The following ACP6 variants were observed in gnomAD, a reference collection of about 807,000 sequenced individuals.
The protein encoded by ACP6 is acid phosphatase 6, lysophosphatidic, also known as lysophosphatidic acid phosphatase type 6.
Under a neutral mutation model 48.1 loss-of-function variants are expected in ACP6, and 48 were observed. The observed-to-expected ratio is 1.00, with a 90% CI of 0.79 to 1.27. ACP6 has a LOEUF of 1.27. Among genes scored for constraint, ACP6 ranks in the 50% most tolerant of loss-of-function variants. The probability of loss-of-function intolerance (pLI) is 0.00; values close to 1 mark genes in which losing one functional copy is unlikely to be tolerated. For missense variants in ACP6, 485 were observed against 529.1 expected, an observed-to-expected ratio of 0.92 and a Z score of 0.82; for synonymous variants, 172 against 204.2, an observed-to-expected ratio of 0.84 and a Z score of 1.34.
chr1:147,641,299 T>C (rs1659444934), downstream of ACP6, among the ~76,000 whole-genome samples: 1 of 152,184 alleles, frequency 6.6e-6, no homozygotes, highest in Non-Finnish European at 1.5e-5. Context: ...CCCTCTTCAG[T>C]TGGGCCCTTC....
chr1:147,637,555 T>C (rs1659329234), downstream of ACP6, among the ~76,000 whole-genome samples: 1 of 152,184 alleles, frequency 6.6e-6, no homozygotes, highest in Non-Finnish European at 1.5e-5. Flanking sequence ...CTGAGAACAG[T>C]TCCCTGGCTG....
chr1:147,650,427 G>T, intron 7 of ACP6, 189 bp from the exon 8 acceptor site: 1 of 515,988 alleles, frequency 1.9e-6, no homozygotes, highest in East Asian at 3.5e-5. Flanking sequence ...CTCTGTGAAT[G>T]AAGACTCCCA....
At position 147,648,487 on chromosome 1, in the gene ACP6, G is replaced by A. The variant is rs1171600543; in HGVS notation, c.978-76C>T. 2.5e-5 allele frequency: 39 copies of A among 1,535,470 alleles called. 1 individual carries two copies. The highest frequency in any genetic ancestry group is 1.4e-4 in the South Asian group (12 of 84,180). ...TCAGGATGTGGCCTGCCTCCTTTAC[G>A]TAAGACACACTTGCCTCAGAAACTA... On this transcript the variant is annotated intron_variant, in intron 8 of 9. Coordinates refer to ENST00000583509, the MANE Select transcript of ACP6 (RefSeq NM_016361.5).
chr1:147,650,212 G>A lies in ACP6; in HGVS notation c.908C>T (p.Pro303Leu), dbSNP rs1553210266. 1.9e-6 allele frequency: 3 copies of A among 1,603,550 alleles called. No homozygotes were observed. The highest frequency in any genetic ancestry group is 2.7e-5 in the African/African-American group (2 of 74,224). The change falls in exon 8 of 10, where the codon CCA (proline) becomes CTA (leucine). Residue 303 changes from proline (P) to leucine (L), a missense_variant. Coordinates refer to ENST00000583509, the MANE Select transcript of ACP6 (RefSeq NM_016361.5). Reference protein sequence around the residue: ...DRESLQMAVGPFLHILESNLL... With the variant: ...DRESLQMAVGLFLHILESNLL... ...GTTGCTCTCTAGGATGTGGAGGAATGGGCCTACTGCCATCTGAAGACTTTC... is the reference window on the plus strand; with the variant it reads ...GTTGCTCTCTAGGATGTGGAGGAATAGGCCTACTGCCATCTGAAGACTTTC...
In ACP6 at chr1:147,659,476, A is replaced by T; in HGVS notation, c.399T>A (p.Phe133Leu). 2 of 1,614,236 alleles carry T rather than the reference A, an allele frequency of 1.2e-6. No homozygotes were observed. The highest frequency in any genetic ancestry group is 8.5e-7 in the Non-Finnish European group (1 of 1,180,040). Reference protein sequence around the residue: ...QLTKVGMQQMFALGERLRKNY... With the variant: ...QLTKVGMQQMLALGERLRKNY... ...TCTTCCTCAGTCTCTCTCCCAAGGC[A>T]AACATTTGCTGCATGCCCACCTTGG... Residue 133 changes from phenylalanine to leucine, a missense_variant, in exon 3 of 10, where the codon TTT (phenylalanine) becomes TTA (leucine). Transcript: ENST00000583509.
intron 4 of ACP6, among the ~76,000 whole-genome samples, chr1:147,657,560 A>G (rs1660320709): frequency 6.6e-6 from 1 of 152,230 alleles, no homozygotes; most frequent in African/African-American, 2.4e-5. Context: ...AGCTGGGATT[A>G]CAGGCGCCCA....
At chr1:147,658,199 T>C (rs1660353221) in intron 4 of ACP6, among the ~76,000 whole-genome samples, 1 of 152,250 alleles carries the variant, frequency 6.6e-6, no homozygotes, top group East Asian at 1.9e-4. Context: ...GGTTCCATTA[T>C]TTTACATATT....
intron 3 of ACP6, 37 bp downstream of exon 3, chr1:147,659,359 T>C: frequency 6.2e-7 from 1 of 1,606,944 alleles, no homozygotes; most frequent in East Asian, 2.2e-5. Flanking sequence ...GTTCAAGACC[T>C]TAAATTAAGT....
Position 147,663,242 on chromosome 1 carries a change from A to C in ACP6, c.220-3467T>G, listed in dbSNP as rs1414847086. Among the ~76,000 whole-genome samples, 4 of 152,066 alleles carry C rather than the reference A, an allele frequency of 2.6e-5. No homozygotes were observed. The East Asian group carries it at 7.7e-4, about 29-fold the overall frequency. On this transcript the variant is annotated intron_variant, in intron 1 of 9. Transcript: ENST00000583509. The stretch of plus-strand genomic sequence containing the variant: ...GGTATGCTTGTCTGTGTAGAATCTA[A>C]AGAAGTCAAAGTCACAGAATTAGAG...
chr1:147,629,665 G>GT lies in ACP6; in HGVS notation c.*1387dup, dbSNP rs587611405. On this transcript the variant is annotated 3_prime_UTR_variant, in exon 6 of 6. Transcript: ENST00000609196. ...AAAGTCATGGAATCCTAATTTGGTG[G>GT]TAAGATTTTAATAACACATTTAAAG... The GT allele has an allele frequency of 9.2e-5, 14 of 152,222 alleles. No homozygotes were observed. In the East Asian group the frequency reaches 2.5e-3, roughly 27 times the overall value. 9.4% of individuals were successfully genotyped at this position (152,222 alleles called of 1,614,324 possible).
At chr1:147,657,141 CACT>C (rs1660298144) in intron 4 of ACP6, among the ~76,000 whole-genome samples, 1 of 152,178 alleles carries the variant, frequency 6.6e-6, no homozygotes, top group Non-Finnish European at 1.5e-5. Flanking sequence ...AAACTTATAA[CACT>C]AATAATATTA....
Position 147,644,953 on chromosome 1 carries a change from A to G in ACP6, c.*2470T>C, listed in dbSNP as rs1322375481. 6.6e-6 allele frequency: 1 copy of G among 150,984 alleles called. No individual in the cohort carries two copies. The highest frequency in any genetic ancestry group is 2.4e-5 in the African/African-American group (1 of 41,004). 9.4% of individuals were successfully genotyped at this position (150,984 alleles called of 1,614,324 possible). Reference sequence around the variant, plus strand: ...GGTTGAAGGTATAAATTTAGGAGACATTGTGTAAATATTTAAAACTGGAAA... The same window carrying G: ...GGTTGAAGGTATAAATTTAGGAGACGTTGTGTAAATATTTAAAACTGGAAA... On this transcript the variant is annotated 3_prime_UTR_variant, in exon 10 of 10. Transcript: ENST00000583509.
At chr1:147,650,354 A>G (rs1166419890) in intron 7 of ACP6, 116 bp from the exon 8 acceptor site, 1 of 663,706 alleles carries the variant, frequency 1.5e-6, no homozygotes, top group Non-Finnish European at 2.4e-6. Flanking sequence ...AAAGGCAAGT[A>G]ATGCATAAGG....
chr1:147,632,020 C>T (rs940869476), intron 5 of ACP6, among the ~76,000 whole-genome samples: 3 of 152,068 alleles, frequency 2.0e-5, no homozygotes, highest in African/African-American at 4.8e-5. Flanking sequence ...GTATCTCCAG[C>T]GTGCCAAGGC....
At chr1:147,663,515 A>G (rs11240101) in intron 1 of ACP6, among the ~76,000 whole-genome samples, 15,029 of 152,198 alleles carry the variant, frequency 0.099, 1,028 homozygotes, top group East Asian at 0.33. Context: ...GTCCTTCAAG[A>G]ACTTCTACAT....
intron 5 of ACP6, among the ~76,000 whole-genome samples, chr1:147,631,821 C>T (rs1315253189): frequency 6.6e-6 from 1 of 151,910 alleles, no homozygotes; most frequent in South Asian, 2.1e-4. Flanking sequence ...CTTAAAACAA[C>T]AACAACAACA....
At position 147,652,486 on chromosome 1, in the gene ACP6, C is replaced by T. The variant is rs1476732062; in HGVS notation, c.844G>A (p.Val282Met). ...GGCAGTATGTACAAGGATGTGTCCACAGCTCTCTGTTCGATCATCCTTGCA... is the reference window on the plus strand; with the variant it reads ...GGCAGTATGTACAAGGATGTGTCCATAGCTCTCTGTTCGATCATCCTTGCA... ...RFARMIEQRA[V>M]DTSLYILPKE... The change falls in exon 7 of 10, where the codon GTG becomes ATG. Residue 282 changes from valine (V) to methionine (M), a missense_variant. Val to Met is a conservative substitution (Grantham distance 21). Transcript: ENST00000583509. 2 of 1,614,086 alleles carry T rather than the reference C, an allele frequency of 1.2e-6. No homozygotes were observed. Among genetic ancestry groups the T allele is most frequent in the South Asian group, 2.2e-5 (2 of 91,072 alleles).
Position 147,670,288 on chromosome 1 carries a change from C to A in ACP6, c.-240G>T. ...AGTCCCTGGGAGTTTTAACCCGGGT[C>A]GGGGTTGGTCGCTCCTGCTGCACAC... On this transcript the variant is annotated 5_prime_UTR_variant, in exon 1 of 10. Transcript: ENST00000583509. The A allele has an allele frequency of 2.2e-6, 1 of 447,912 alleles. No homozygotes were observed. Among genetic ancestry groups the A allele is most frequent in the Non-Finnish European group, 4.0e-6 (1 of 248,686 alleles). The allele number at this position is 447,912 out of a possible 1,614,324, so 27.7% of individuals were successfully genotyped here.
Position 147,669,865 on chromosome 1 carries a change from G to A in ACP6, c.184C>T (p.Arg62Trp). ...AGCGGGAGCGGCTTGAGAGGACTCCGAGCCCCGTGTCGAAACACGACCTGC... is the reference window on the plus strand; with the variant it reads ...AGCGGGAGCGGCTTGAGAGGACTCCAAGCCCCGTGTCGAAACACGACCTGC... ...MVQVVFRHGA[R>W]SPLKPLPLEE... Residue 62 changes from arginine (R) to tryptophan (W), a missense_variant, in exon 1 of 10, where the codon CGG (arginine) becomes TGG (tryptophan). Arg to Trp is a moderately radical substitution (Grantham distance 101). Coordinates refer to ENST00000583509, the MANE Select transcript of ACP6 (RefSeq NM_016361.5). 4 of 1,599,288 alleles carry A rather than the reference G, an allele frequency of 2.5e-6. No individual in the cohort carries two copies. The highest frequency in any genetic ancestry group is 3.4e-6 in the Non-Finnish European group (4 of 1,173,696).
Sources: allele counts gnomAD v4.1 joint callset (sites outside exome capture counted in the v4.1 genomes callset), GRCh38; gene constraint gnomAD v4.1.1; transcripts MANE v1.5; gene names NCBI Gene and HGNC (gene_info 2026-07-23, HGNC 2026-07-21).